The following CPPED1 variants were observed in gnomAD, a reference collection of about 807,000 sequenced individuals.
CPPED1 encodes calcineurin like phosphoesterase domain containing 1, also known as serine/threonine-protein phosphatase CPPED1.
Under a neutral mutation model 28.0 loss-of-function variants are expected in CPPED1, and 28 were observed. That is an observed-to-expected ratio of 1.00 (90% CI 0.74 to 1.37). CPPED1 has a LOEUF of 1.37. CPPED1 is among the 40% of genes most tolerant of loss of function. The probability of loss-of-function intolerance (pLI) is 0.00; values close to 1 mark genes in which losing one functional copy is unlikely to be tolerated. For synonymous variants in CPPED1, 198 were observed against 180.2 expected, an observed-to-expected ratio of 1.10 and a Z score of -0.79; for missense variants, 504 against 416.5, an observed-to-expected ratio of 1.21 and a Z score of -1.83.
intron 2 of CPPED1, among the ~76,000 whole-genome samples, chr16:12,755,353 C>A (rs2080359234): frequency 6.8e-6 from 1 of 147,916 alleles, no homozygotes; most frequent in Non-Finnish European, 1.5e-5. Context: ...ACGATCATAG[C>A]TCACTGCAGC....
In CPPED1 at chr16:12,660,220, G is replaced by A. The variant is rs986239072; in HGVS notation, c.*4666C>T. On this transcript the variant is annotated 3_prime_UTR_variant, in exon 4 of 4. Transcript: ENST00000381774. ...AAGCCAGTTTCTAGAGAGGCACAGT[G>A]GCTCACTCATTCTAAGTGTGCTGCA... 2 of 152,104 alleles carry A rather than the reference G, an allele frequency of 1.3e-5. No individual in the cohort carries two copies. Among genetic ancestry groups the A allele is most frequent in the African/African-American group, 4.8e-5 (2 of 41,406 alleles). 9.4% of individuals were successfully genotyped at this position (152,104 alleles called of 1,614,324 possible).
At chr16:12,704,520 C>T in intron 3 of CPPED1, 104 bp downstream of exon 3, 1 of 1,253,998 alleles carries the variant, frequency 8.0e-7, no homozygotes, top group Non-Finnish European at 1.1e-6. Context: ...CGGCCTAGTC[C>T]TCTCTCCCTT....
chr16:12,738,924 GA>G (rs894145709), intron 2 of CPPED1, among the ~76,000 whole-genome samples: 1 of 152,192 alleles, frequency 6.6e-6, no homozygotes, highest in Non-Finnish European at 1.5e-5. Flanking sequence ...TCCTGGTAGA[GA>G]AAAGTTAAAT....
At chr16:12,802,844 T>C (rs1462392847) in intron 1 of CPPED1, among the ~76,000 whole-genome samples, 4 of 152,272 alleles carry the variant, frequency 2.6e-5, no homozygotes, top group South Asian at 4.1e-4. Flanking sequence ...GTTGCAGAAC[T>C]GGGCAAGAGA....
chr16:12,735,825 C>T (rs1452106022), intron 2 of CPPED1, among the ~76,000 whole-genome samples: 2 of 152,300 alleles, frequency 1.3e-5, no homozygotes, highest in South Asian at 2.1e-4. Context: ...TCTCTCTGTC[C>T]AGACATTATG....
chr16:12,752,863 T>C (rs1420962317), intron 2 of CPPED1: 1 of 148,098 alleles, frequency 6.8e-6, no homozygotes, highest in African/African-American at 2.5e-5. Flanking sequence ...CTAGCTGTAC[T>C]ATTTATTAAT....
chr16:12,725,425 G>A (rs376886733), intron 2 of CPPED1, among the ~76,000 whole-genome samples: 18 of 152,164 alleles, frequency 1.2e-4, no homozygotes, highest in African/African-American at 4.3e-4. Context: ...TTACTTTGAA[G>A]GGACTTGTAA....
rs568875654 is a variant in CPPED1, at chr16:12,676,358, C to G, written c.716-11243G>C. ...AGCCAGGCAGTCAGAGAAAGAGCTA[C>G]TCATAACAAAATGCAGAAATCGACA... On this transcript the variant is annotated intron_variant, in intron 3 of 3. Coordinates refer to ENST00000381774, the MANE Select transcript of CPPED1 (RefSeq NM_018340.3). Among the ~76,000 whole-genome samples, 17 of 152,318 alleles carry G rather than the reference C, an allele frequency of 1.1e-4. 1 individual carries two copies. The highest frequency in any genetic ancestry group is 3.4e-3 in the Middle Eastern group (1 of 294).
intron 2 of CPPED1, 156 bp downstream of exon 2, chr16:12,781,029 T>A (rs1338753437): frequency 1.6e-6 from 1 of 633,154 alleles, no homozygotes; most frequent in Non-Finnish European, 2.8e-6. Flanking sequence ...AGTGTGCACT[T>A]TCTGATGTTC....
chr16:12,754,843 T>A (rs1408146233), intron 2 of CPPED1, among the ~76,000 whole-genome samples: 1 of 150,682 alleles, frequency 6.6e-6, no homozygotes, highest in Non-Finnish European at 1.5e-5. Context: ...CTATTAAAAT[T>A]AAAAAAAAAA....
intron 3 of CPPED1, among the ~76,000 whole-genome samples, chr16:12,689,687 C>T (rs567256152): frequency 6.6e-6 from 1 of 152,232 alleles, no homozygotes; most frequent in South Asian, 2.1e-4. Flanking sequence ...GGAAACGACA[C>T]TGGGGAAGTC....
At chr16:12,799,967 G>A (rs927525984) in intron 1 of CPPED1, among the ~76,000 whole-genome samples, 3 of 152,266 alleles carry the variant, frequency 2.0e-5, no homozygotes, top group South Asian at 4.1e-4. Flanking sequence ...TTATCATCAA[G>A]TCTCTCTCCA....
intron 2 of CPPED1, among the ~76,000 whole-genome samples, chr16:12,779,612 A>C (rs946394700): frequency 6.6e-6 from 1 of 151,994 alleles, no homozygotes; most frequent in Admixed American, 6.6e-5. Context: ...CTGGTCTTGA[A>C]TTCCTGACCT....
chr16:12,678,976 C>T (rs556618123), intron 3 of CPPED1, among the ~76,000 whole-genome samples: 2 of 152,134 alleles, frequency 1.3e-5, no homozygotes, highest in South Asian at 4.1e-4. Context: ...TTTCATATTC[C>T]TATTTTTTAG....
At position 12,705,615 on chromosome 16, in the gene CPPED1, G is replaced by A. The variant is rs947409296; in HGVS notation, c.290-566C>T. Reference sequence around the variant, plus strand: ...TCTACTAAAAATACAAAAATTAGCTGGGCATGGGCACGGGCACCTGTAATC... The same window carrying A: ...TCTACTAAAAATACAAAAATTAGCTAGGCATGGGCACGGGCACCTGTAATC... On this transcript the variant is annotated intron_variant, in intron 2 of 3. Coordinates refer to ENST00000381774, the MANE Select transcript of CPPED1 (RefSeq NM_018340.3). 2.6e-5 allele frequency among the ~76,000 whole-genome samples: 4 copies of A among 152,114 alleles called. No individual in the cohort carries two copies. In the South Asian group the frequency reaches 6.2e-4, roughly 24 times the overall value.
At chr16:12,755,087 G>A (rs1395657093) in intron 2 of CPPED1, among the ~76,000 whole-genome samples, 1 of 152,104 alleles carries the variant, frequency 6.6e-6, no homozygotes, top group Non-Finnish European at 1.5e-5. Context: ...GCAGGCAAAT[G>A]TGGCTTATTC....
intron 2 of CPPED1, among the ~76,000 whole-genome samples, chr16:12,756,790 A>G (rs541568436): frequency 6.6e-6 from 1 of 152,304 alleles, no homozygotes; most frequent in East Asian, 1.9e-4. Context: ...AAATCAGACA[A>G]AACTAAGCAA....
rs146526118 is a variant in CPPED1, at chr16:12,711,876, A to C, written c.290-6827T>G. 7.6e-4 allele frequency among the ~76,000 whole-genome samples: 115 copies of C among 152,284 alleles called. 2 individuals carry two copies. The highest frequency in any genetic ancestry group is 7.7e-4 in the East Asian group (4 of 5,180). ...CATGTATTTAAAGTGTCCAGTATGT[A>C]GTATGTGCATACCTTCCTTTCCCCT... On this transcript the variant is annotated intron_variant, in intron 2 of 3. Coordinates refer to ENST00000381774, the MANE Select transcript of CPPED1 (RefSeq NM_018340.3).
intron 2 of CPPED1, among the ~76,000 whole-genome samples, chr16:12,733,690 A>G (rs1318034185): frequency 6.6e-6 from 1 of 152,220 alleles, no homozygotes. Flanking sequence ...AATACATAAC[A>G]GTAAGTAAGA....
Sources: allele counts gnomAD v4.1 joint callset (sites outside exome capture counted in the v4.1 genomes callset), GRCh38; gene constraint gnomAD v4.1.1; transcripts MANE v1.5; gene names NCBI Gene and HGNC (gene_info 2026-07-23, HGNC 2026-07-21).